TRPC7: variants seen among roughly 807,000 people sequenced by gnomAD.
The protein encoded by TRPC7 is short transient receptor potential channel 7.
A neutral mutation model predicts 90.1 loss-of-function variants in TRPC7; 42 were observed. The observed-to-expected ratio is 0.47, with a 90% CI of 0.36 to 0.60. The LOEUF is 0.60. Among genes scored for constraint, TRPC7 ranks in the 20% least tolerant of loss-of-function variants. TRPC7 has a pLI of 0.00. For synonymous variants in TRPC7, 451 were observed against 436.3 expected, an observed-to-expected ratio of 1.03 and a Z score of -0.42; for missense variants, 955 against 1,112.3, an observed-to-expected ratio of 0.86 and a Z score of 2.01.
intron 7 of TRPC7, among the ~76,000 whole-genome samples, chr5:136,232,422 C>G (rs1404698921): frequency 1.3e-5 from 2 of 152,190 alleles, no homozygotes; most frequent in African/African-American, 4.8e-5. Flanking sequence ...TGTTACAGAG[C>G]TGAGGCTAGC....
intron 2 of TRPC7, among the ~76,000 whole-genome samples, chr5:136,346,098 G>A (rs1348662534): frequency 6.6e-6 from 1 of 152,124 alleles, no homozygotes; most frequent in East Asian, 1.9e-4. Flanking sequence ...GGGGTGGAGG[G>A]AGGGACAGCA....
chr5:136,225,946 GA>G, intron 9 of TRPC7, 87 bp downstream of exon 9: 1 of 1,126,714 alleles, frequency 8.9e-7, no homozygotes, highest in Non-Finnish European at 1.3e-6. Context: ...TGGGGTGGGG[GA>G]GGGCAGCCAT....
At chr5:136,248,056 C>A (rs150066449) in intron 6 of TRPC7, among the ~76,000 whole-genome samples, 74 of 152,332 alleles carry the variant, frequency 4.9e-4, no homozygotes, top group Non-Finnish European at 8.4e-4. Context: ...CAGTTTCCGT[C>A]TGTGCTCTCA....
chr5:136,333,259 T>G (rs1759554132), intron 2 of TRPC7, among the ~76,000 whole-genome samples: 1 of 151,492 alleles, frequency 6.6e-6, no homozygotes, highest in Non-Finnish European at 1.5e-5. Flanking sequence ...AATAAGTTGT[T>G]GCTGAGTCTG....
intron 5 of TRPC7, among the ~76,000 whole-genome samples, chr5:136,256,062 G>A (rs1055689278): frequency 5.9e-5 from 9 of 152,190 alleles, no homozygotes; most frequent in Admixed American, 3.3e-4. Flanking sequence ...AGGGATTCAC[G>A]TGGTAAAAGA....
intron 1 of TRPC7, among the ~76,000 whole-genome samples, chr5:136,357,962 G>A (rs1760442626): frequency 1.3e-5 from 2 of 152,188 alleles, no homozygotes; most frequent in African/African-American, 4.8e-5. Flanking sequence ...AAATATGGCT[G>A]CCTTCGGTTC....
intron 3 of TRPC7, among the ~76,000 whole-genome samples, chr5:136,302,414 G>A (rs760149266): frequency 1.1e-4 from 16 of 152,202 alleles, no homozygotes; most frequent in African/African-American, 2.4e-4. Flanking sequence ...GGCAAGTCCC[G>A]CTTTTCTAGG....
At chr5:136,260,442 G>T (rs1327973573) in intron 5 of TRPC7, among the ~76,000 whole-genome samples, 1 of 152,146 alleles carries the variant, frequency 6.6e-6, no homozygotes, top group Non-Finnish European at 1.5e-5. Flanking sequence ...ACCTGAGGAG[G>T]TGAGGGAGTG....
At chr5:136,354,447 C>T (rs758527188) in intron 2 of TRPC7, among the ~76,000 whole-genome samples, 37 of 152,134 alleles carry the variant, frequency 2.4e-4, no homozygotes, top group Non-Finnish European at 4.4e-4. Context: ...ATTATCTAGT[C>T]CCAATTTGTG....
intron 2 of TRPC7, among the ~76,000 whole-genome samples, chr5:136,336,422 ATCTC>A: frequency 1.3e-5 from 2 of 152,098 alleles, no homozygotes; most frequent in East Asian, 3.9e-4. Flanking sequence ...GGTAATAAAA[ATCTC>A]TCCTTAAGAT....
chr5:136,295,350 A>G (rs1350951632), intron 3 of TRPC7, among the ~76,000 whole-genome samples: 1 of 152,194 alleles, frequency 6.6e-6, no homozygotes, highest in Non-Finnish European at 1.5e-5. Context: ...TCTGGGGGAA[A>G]ATGTATAAGG....
intron 8 of TRPC7, chr5:136,226,510 CCTCCACTGGGTATATTTACCAACATT>C: frequency 2.0e-6 from 1 of 503,646 alleles, no homozygotes; most frequent in South Asian, 3.5e-5. Flanking sequence ...CCGCCCCTAC[CCTCCACTGGGTATATTTACCAACATT>C]CTCCATTTGC....
chr5:136,304,142 C>CACT (rs1561710479), intron 3 of TRPC7, among the ~76,000 whole-genome samples: 148 of 151,294 alleles, frequency 9.8e-4, no homozygotes, highest in African/African-American at 3.4e-3. Context: ...TCATTGCTGC[C>CACT]CTTCTTCCCA....
At chr5:136,233,723 C>T (rs1755890344) in intron 7 of TRPC7, among the ~76,000 whole-genome samples, 1 of 152,216 alleles carries the variant, frequency 6.6e-6, no homozygotes, top group African/African-American at 2.4e-5. Flanking sequence ...TTCATCTTCC[C>T]TTTCTTACCT....
intron 5 of TRPC7, among the ~76,000 whole-genome samples, chr5:136,263,591 T>C (rs1039907799): frequency 6.6e-6 from 1 of 151,986 alleles, no homozygotes; most frequent in Non-Finnish European, 1.5e-5. Flanking sequence ...ACAAAAATGA[T>C]GAGGAAGGAA....
intron 7 of TRPC7, among the ~76,000 whole-genome samples, chr5:136,238,866 G>C (rs1271425432): frequency 6.6e-6 from 1 of 152,174 alleles, no homozygotes; most frequent in South Asian, 2.1e-4. Context: ...AGTGTCTGTT[G>C]TAACAATTAT....
In TRPC7 at chr5:136,226,071, T is replaced by C; in HGVS notation, c.2225A>G (p.Asn742Ser). Residue 742 changes from asparagine (N) to serine (S), a missense_variant, in exon 9 of 12, where the codon AAT (asparagine) becomes AGT (serine). Asn to Ser is a conservative substitution (Grantham distance 46). This residue lies in a region of TRPC7 where 296 missense variants were observed against 422.7 expected (regional missense o/e 0.70). Transcript: ENST00000513104. ...ATTCAGCATGCCCATTTCAAGGTCA[T>C]TTTCACAGCTTTTGGCCTTAGATTT... is the stretch of plus-strand genomic sequence containing the variant. ...LCKSKAKSCENDLEMGMLNSK... is the reference protein window; with the variant it reads ...LCKSKAKSCESDLEMGMLNSK... The C allele has an allele frequency of 6.2e-7, 1 of 1,603,968 alleles. No homozygotes were observed.
intron 3 of TRPC7, among the ~76,000 whole-genome samples, chr5:136,286,471 G>A (rs1050499919): frequency 6.6e-6 from 1 of 152,192 alleles, no homozygotes; most frequent in African/African-American, 2.4e-5. Flanking sequence ...CCCCCATGCT[G>A]TGAGGAAGCT....
intron 2 of TRPC7, among the ~76,000 whole-genome samples, chr5:136,355,285 TCA>T (rs1418010313): frequency 2.6e-5 from 4 of 152,226 alleles, no homozygotes; most frequent in Non-Finnish European, 4.4e-5. Context: ...GCTCTGGCCC[TCA>T]GTTTCCTGAA....
Sources: allele counts gnomAD v4.1 joint callset (sites outside exome capture counted in the v4.1 genomes callset), GRCh38; gene constraint gnomAD v4.1.1; regional missense constraint gnomAD v4.1.1; transcripts MANE v1.5; gene names NCBI Gene and HGNC (gene_info 2026-07-23, HGNC 2026-07-21).